Variants in SBNO2 observed in about 807,000 individuals in gnomAD.
SBNO2 encodes strawberry notch homolog 2, also known as protein strawberry notch homolog 2.
In SBNO2, 89 loss-of-function variants were observed where a neutral mutation model predicts 146.3. The observed-to-expected ratio is 0.61, with a 90% confidence interval of 0.51 to 0.73. The LOEUF is 0.73. Ranked by LOEUF, SBNO2 falls within the 30% of genes least tolerant of loss-of-function variation. SBNO2 has a pLI of 0.00. For synonymous variants in SBNO2, 1,147 were observed against 892.6 expected (o/e 1.29, Z -5.08); for missense variants, 2,092 against 2,003.7 (o/e 1.04, Z -0.84).
At chr19:1,161,707 G>C (rs916002527) in intron 1 of SBNO2, among the ~76,000 whole-genome samples, 1 of 151,922 alleles carries the variant, frequency 6.6e-6, no homozygotes, top group African/African-American at 2.4e-5. Flanking sequence ...CTCTCCTCTT[G>C]AAATTTTCTA....
Position 1,109,622 on chromosome 19 carries a change from G to C in SBNO2, c.3124-24C>G. 1 of 1,558,098 alleles carries C rather than the reference G, an allele frequency of 6.4e-7. No individual in the cohort carries two copies. The highest frequency in any genetic ancestry group is 8.7e-7 in the Non-Finnish European group (1 of 1,148,160). On this transcript the variant is annotated intron_variant, in intron 27 of 31. Transcript: ENST00000361757. The surrounding 1 kb of genome is among the most constrained non-coding windows in gnomAD (Gnocchi z 4.2). ...ATCTGCCACGGCACGGGGTGGGGGG[G>C]TGTGAGTGTGGTGGGGGCGGGGTGG...
At chr19:1,125,568 G>A (rs2079955839) in intron 5 of SBNO2, among the ~76,000 whole-genome samples, 1 of 152,060 alleles carries the variant, frequency 6.6e-6, no homozygotes, top group Non-Finnish European at 1.5e-5. Flanking sequence ...TACTAGGGAG[G>A]CTGAGGAGGC....
chr19:1,154,175 G>A lies in SBNO2; in HGVS notation c.93+9C>T, dbSNP rs2080267644. 1 of 1,211,100 alleles carries A rather than the reference G, an allele frequency of 8.3e-7. No individual in the cohort carries two copies. The highest frequency in any genetic ancestry group is 1.0e-6 in the Non-Finnish European group (1 of 966,902). The allele number at this position is 1,211,100 out of a possible 1,614,324, so 75.0% of individuals were successfully genotyped here. The stretch of plus-strand genomic sequence containing the variant: ...CGTCGGGTGGGCCGGGGCCGGGGGT[G>A]GGGCTCACCTGCAGGGGCGGCGGGC... On this transcript the variant is annotated intron_variant, in intron 2 of 31. Transcript: ENST00000361757.
chr19:1,154,821 G>T (rs932124867), intron 1 of SBNO2, among the ~76,000 whole-genome samples: 1 of 152,206 alleles, frequency 6.6e-6, no homozygotes, highest in Non-Finnish European at 1.5e-5. Flanking sequence ...GAGCCCAGGG[G>T]ACACTGGACC....
chr19:1,171,871 TCTC>T (rs1402110434), intron 1 of SBNO2, among the ~76,000 whole-genome samples: 1 of 152,054 alleles, frequency 6.6e-6, no homozygotes, highest in African/African-American at 2.4e-5. Flanking sequence ...ACATGCACCC[TCTC>T]CTCCGCACCT....
In SBNO2 at chr19:1,157,410, C is replaced by G. The variant is rs895366364; in HGVS notation, c.-126-3008G>C. Among the ~76,000 whole-genome samples, 2 of 149,428 alleles carry G rather than the reference C, an allele frequency of 1.3e-5. No individual in the cohort carries two copies. Among genetic ancestry groups the G allele is most frequent in the Admixed American group, 6.6e-5 (1 of 15,108 alleles). On this transcript the variant is annotated intron_variant, in intron 1 of 31. Coordinates refer to ENST00000361757, the MANE Select transcript of SBNO2 (RefSeq NM_014963.3). This position sits in a 1 kb window ranked among gnomAD's most constrained non-coding sequence, Gnocchi z 6.8. ...CCCCGGAGACGCTCTCCCCACGCGG[C>G]CCCGGAGACCCTCTCCCCACGCGGC... is the stretch of plus-strand genomic sequence containing the variant.
Position 1,112,387 on chromosome 19 carries a change from C to T in SBNO2, c.2515+15G>A. ...GGGCGGGGCCAGGCAGCGCTGGGGG[C>T]GGGGCCGGACTCACCGAACTGCTGG... On this transcript the variant is annotated intron_variant, in intron 21 of 31. Coordinates refer to ENST00000361757, the MANE Select transcript of SBNO2 (RefSeq NM_014963.3). This position sits in a 1 kb window ranked among gnomAD's most constrained non-coding sequence, Gnocchi z 5.9. The T allele has an allele frequency of 5.0e-6, 8 of 1,590,282 alleles. No individual in the cohort carries two copies. Among genetic ancestry groups the T allele is most frequent in the Non-Finnish European group, 6.0e-6 (7 of 1,171,890 alleles).
chr19:1,145,476 A>G (rs2080181201), intron 4 of SBNO2, among the ~76,000 whole-genome samples: 1 of 150,172 alleles, frequency 6.7e-6, no homozygotes, highest in South Asian at 2.1e-4. Flanking sequence ...TCTGTCTCAA[A>G]AAAAAAAAAA....
At chr19:1,153,165 A>G (rs186612692) in intron 2 of SBNO2, among the ~76,000 whole-genome samples, 208 of 151,920 alleles carry the variant, frequency 1.4e-3, no homozygotes, top group African/African-American at 4.8e-3. Flanking sequence ...AAAATAACAA[A>G]ACAAAATAAA....
intron 4 of SBNO2, chr19:1,132,370 G>A (rs1213158217): frequency 1.4e-5 from 16 of 1,118,494 alleles, no homozygotes; most frequent in African/African-American, 9.8e-5. Context: ...ATTACCGGCA[G>A]TGCGAGGAGA....
Position 1,147,439 on chromosome 19 carries a change from G to A in SBNO2, c.168-19C>T, listed in dbSNP as rs576889686. 302 of 1,265,280 alleles carry A rather than the reference G, an allele frequency of 2.4e-4. 9 individuals are homozygous for A. Among genetic ancestry groups the A allele is most frequent in the South Asian group, 1.8e-3 (130 of 70,988 alleles). The allele number at this position is 1,265,280 out of a possible 1,614,324, so 78.4% of individuals were successfully genotyped here. A position where few individuals can be genotyped will look rare whatever the true frequency, so the allele number is the denominator to read the frequency against. On this transcript the variant is annotated intron_variant, in intron 3 of 31. Transcript: ENST00000361757. ...GAACGGGCTGGAGGGAGATGGGGGGGGGGGAGGTGAGATGGGGTGCTCAAC... is the reference window on the plus strand; with the variant it reads ...GAACGGGCTGGAGGGAGATGGGGGGAGGGGAGGTGAGATGGGGTGCTCAAC...
intron 4 of SBNO2, among the ~76,000 whole-genome samples, chr19:1,129,049 C>T (rs537717684): frequency 6.6e-6 from 1 of 151,054 alleles, no homozygotes; most frequent in South Asian, 2.1e-4. Flanking sequence ...GGCAGATCAC[C>T]TGAGGTCAGG....
chr19:1,166,535 G>C (rs1004111019), intron 1 of SBNO2, among the ~76,000 whole-genome samples: 1 of 152,072 alleles, frequency 6.6e-6, no homozygotes, highest in Non-Finnish European at 1.5e-5. Flanking sequence ...GCCCGTGGCT[G>C]TAATCCCAGT....
chr19:1,123,881 G>A, intron 6 of SBNO2, 61 bp downstream of exon 6: 1 of 1,518,582 alleles, frequency 6.6e-7, no homozygotes, highest in East Asian at 2.3e-5. Flanking sequence ...CCTGTGCTGA[G>A]CCCTCTCCTT....
At chr19:1,132,132 C>T in intron 4 of SBNO2, 1 of 1,518,486 alleles carries the variant, frequency 6.6e-7, no homozygotes, top group Non-Finnish European at 8.8e-7. Context: ...GCAGCTGGGA[C>T]ATGGTCCCGG....
intron 1 of SBNO2, among the ~76,000 whole-genome samples, chr19:1,162,766 C>T (rs1487192034): frequency 1.3e-5 from 2 of 152,218 alleles, no homozygotes; most frequent in Non-Finnish European, 2.9e-5. Context: ...GACCAGGAAC[C>T]TGACGCTGGT....
Position 1,160,678 on chromosome 19 carries a change from C to T in SBNO2, c.-126-6276G>A, listed in dbSNP as rs571768492. 4.3e-4 allele frequency among the ~76,000 whole-genome samples: 65 copies of T among 152,122 alleles called. 1 individual carries two copies. The highest frequency in any genetic ancestry group is 7.6e-4 in the Non-Finnish European group (52 of 68,030). On this transcript the variant is annotated intron_variant, in intron 1 of 31. Transcript: ENST00000361757. ...TGGAGTAACTGGGATGACAGGCACC[C>T]GCCACCACGGCCCGGATAATTTGCG...
intron 4 of SBNO2, among the ~76,000 whole-genome samples, chr19:1,145,425 A>G (rs1343473990): frequency 6.6e-6 from 1 of 150,704 alleles, no homozygotes; most frequent in Non-Finnish European, 1.5e-5. Flanking sequence ...GTGAGCCAAG[A>G]TCGTGCCATT....
chr19:1,130,944 C>A (rs192029950), intron 4 of SBNO2, among the ~76,000 whole-genome samples: 54 of 152,296 alleles, frequency 3.5e-4, no homozygotes, highest in Admixed American at 3.3e-3. Flanking sequence ...TCGAAGCCTT[C>A]ACTTCTAGCA....
Sources: gnomAD v4.1 joint callset for allele counts (sites outside exome capture counted in the v4.1 genomes callset) on GRCh38, gnomAD v4.1.1 for gene constraint, Gnocchi (gnomAD v3.1) non-coding constraint, MANE v1.5 for transcripts, NCBI Gene and HGNC (gene_info 2026-07-23, HGNC 2026-07-21) for gene names.